SPATA13: variants seen among roughly 807,000 people sequenced by gnomAD.
The protein encoded by SPATA13 is spermatogenesis-associated protein 13.
SPATA13 carries 50 observed loss-of-function variants against 104.0 expected under a neutral mutation model. The ratio of observed to expected loss-of-function variants is 0.48; its 90% CI spans 0.38 to 0.61. The LOEUF (loss-of-function observed/expected upper bound fraction) is 0.61. Among genes scored for constraint, SPATA13 ranks in the 20% least tolerant of loss-of-function variants. The pLI, the probability that SPATA13 is intolerant of heterozygous loss-of-function variation, is 0.00. For synonymous variants in SPATA13, 606 were observed against 667.5 expected (o/e 0.91, Z 1.42); for missense variants, 1,524 against 1,690.6 (o/e 0.90, Z 1.73).
At chr13:24,010,342 G>A (rs781740285) in intron 2 of SPATA13, among the ~76,000 whole-genome samples, 6 of 152,032 alleles carry the variant, frequency 3.9e-5, no homozygotes, top group Admixed American at 1.3e-4. Context: ...TCTTTGTTCC[G>A]CATCTGTGAA....
At chr13:23,989,934 A>G (rs1005814462) in intron 2 of SPATA13, among the ~76,000 whole-genome samples, 2 of 152,196 alleles carry the variant, frequency 1.3e-5, no homozygotes, top group African/African-American at 4.8e-5. Flanking sequence ...CCCACCAGAC[A>G]TTGAATCTGT....
At chr13:24,021,206 G>A (rs958159584) in intron 3 of SPATA13, among the ~76,000 whole-genome samples, 3 of 152,262 alleles carry the variant, frequency 2.0e-5, no homozygotes, top group Non-Finnish European at 4.4e-5. Context: ...AAGGGCTGGA[G>A]CATTTCTGGG....
intron 3 of SPATA13, among the ~76,000 whole-genome samples, chr13:24,097,843 C>T (rs1430245847): frequency 6.6e-6 from 1 of 152,148 alleles, no homozygotes; most frequent in Non-Finnish European, 1.5e-5. Context: ...CAGGCGAGGG[C>T]CCCACACTCA....
At chr13:23,986,879 A>G (rs1308433614) in intron 2 of SPATA13, among the ~76,000 whole-genome samples, 1 of 152,116 alleles carries the variant, frequency 6.6e-6, no homozygotes, top group African/African-American at 2.4e-5. Flanking sequence ...TGGAAACATC[A>G]TGGGATCTCG....
At chr13:24,149,798 T>C (rs893846362) in intron 3 of SPATA13, among the ~76,000 whole-genome samples, 1 of 152,180 alleles carries the variant, frequency 6.6e-6, no homozygotes, top group Non-Finnish European at 1.5e-5. Flanking sequence ...GTCACAGGCC[T>C]TGCATGACAT....
intron 3 of SPATA13, among the ~76,000 whole-genome samples, chr13:24,119,005 A>C (rs527347109): frequency 9.2e-5 from 14 of 151,576 alleles, no homozygotes; most frequent in Non-Finnish European, 8.8e-5. Context: ...TCCTGGGTTC[A>C]AGTGATTCTC....
Position 24,300,458 on chromosome 13 carries a change from G to A in SPATA13, c.3641G>A (p.Gly1214Glu). The change falls in exon 12 of 13, where the codon GGA (glycine) becomes GAA (glutamate). Residue 1214 changes from glycine (G) to glutamate (E), a missense_variant. Coordinates refer to ENST00000382108, the MANE Select transcript of SPATA13 (RefSeq NM_001166271.3). ...GCCATGTTAAATGCTCAAAAGGCAG[G>A]ACATGGAAAGTCAAAAGGTAAGTTA... Reference protein sequence around the residue: ...KLAMLNAQKAGHGKSKGYNRC... With the variant: ...KLAMLNAQKAEHGKSKGYNRC... 6.2e-7 allele frequency: 1 copy of A among 1,614,132 alleles called. No individual in the cohort carries two copies. The highest frequency in any genetic ancestry group is 8.5e-7 in the Non-Finnish European group (1 of 1,179,994).
intron 3 of SPATA13, among the ~76,000 whole-genome samples, chr13:24,058,081 A>G (rs921522687): frequency 4.0e-5 from 6 of 151,804 alleles, no homozygotes; most frequent in Admixed American, 3.9e-4. Flanking sequence ...CTGTGGCCCC[A>G]CACCTGATCC....
At chr13:24,064,080 A>G (rs1416252718) in intron 3 of SPATA13, among the ~76,000 whole-genome samples, 1 of 151,846 alleles carries the variant, frequency 6.6e-6, no homozygotes, top group Non-Finnish European at 1.5e-5. Flanking sequence ...ATGCCTGCCT[A>G]CCCTTCCAGC....
At chr13:24,091,982 CA>C (rs1879925514) in intron 3 of SPATA13, among the ~76,000 whole-genome samples, 1 of 152,106 alleles carries the variant, frequency 6.6e-6, no homozygotes, top group Admixed American at 6.5e-5. Context: ...GGGAGCAGGG[CA>C]GGTTGAAATG....
intron 4 of SPATA13, among the ~76,000 whole-genome samples, chr13:24,274,216 G>T (rs1439072239): frequency 6.6e-6 from 1 of 152,166 alleles, no homozygotes; most frequent in African/African-American, 2.4e-5. Context: ...GCAACAAAAG[G>T]CATATGTCCT....
intron 2 of SPATA13, among the ~76,000 whole-genome samples, chr13:24,243,677 G>A (rs1233271996): frequency 6.6e-6 from 1 of 152,170 alleles, no homozygotes; most frequent in African/African-American, 2.4e-5. Flanking sequence ...GCCTGGCATA[G>A]GTCTGGCACC....
chr13:24,134,022 C>T (rs905853618), intron 3 of SPATA13, among the ~76,000 whole-genome samples: 2 of 152,110 alleles, frequency 1.3e-5, no homozygotes, highest in Admixed American at 6.5e-5. Flanking sequence ...AGAGGTTGTG[C>T]TAAGTGTGGT....
At chr13:23,993,145 C>T (rs965995760) in intron 2 of SPATA13, among the ~76,000 whole-genome samples, 11 of 152,020 alleles carry the variant, frequency 7.2e-5, no homozygotes, top group Non-Finnish European at 8.8e-5. Flanking sequence ...CCTGCTGTGG[C>T]GAAGGTCGTG....
chr13:24,280,064 T>G (rs1875382141), intron 4 of SPATA13, among the ~76,000 whole-genome samples: 1 of 152,200 alleles, frequency 6.6e-6, no homozygotes, highest in East Asian at 1.9e-4. Flanking sequence ...CAGGCTGGAG[T>G]CTGGTGGTAC....
chr13:24,240,485 T>TGA (rs1872779100), intron 2 of SPATA13, among the ~76,000 whole-genome samples: 1 of 151,874 alleles, frequency 6.6e-6, no homozygotes, highest in African/African-American at 2.4e-5. Context: ...GTCTATGATG[T>TGA]GAGGGAGGCA....
At chr13:24,282,137 A>C (rs985682587) in intron 4 of SPATA13, among the ~76,000 whole-genome samples, 16 of 151,280 alleles carry the variant, frequency 1.1e-4, no homozygotes, top group African/African-American at 3.9e-4. Flanking sequence ...GGAGAGGCAT[A>C]AGGGGAGCAG....
chr13:24,249,078 C>G (rs1290526899), intron 2 of SPATA13, among the ~76,000 whole-genome samples: 1 of 152,158 alleles, frequency 6.6e-6, no homozygotes, highest in African/African-American at 2.4e-5. Context: ...GCATGTTGCC[C>G]AGGCTGGTCT....
At position 24,286,724 on chromosome 13, in the gene SPATA13, C is replaced by G. The variant is rs371148808; in HGVS notation, c.2482-41C>G. 3 of 1,592,440 alleles carry G rather than the reference C, an allele frequency of 1.9e-6. No homozygotes were observed. The highest frequency in any genetic ancestry group is 2.6e-6 in the Non-Finnish European group (3 of 1,166,356). On this transcript the variant is annotated intron_variant, in intron 6 of 12. Transcript: ENST00000382108. The surrounding 1 kb of genome is among the most constrained non-coding windows in gnomAD (Gnocchi z 4.9). ...TCCTGCCTCTGCTCCATGCTGCCCT[C>G]CCCTGCCCCAAGTCACCTGTCCCCT...
Sources: allele counts gnomAD v4.1 joint callset (sites outside exome capture counted in the v4.1 genomes callset), GRCh38; gene constraint gnomAD v4.1.1; non-coding constraint Gnocchi (gnomAD v3.1); transcripts MANE v1.5; gene names NCBI Gene and HGNC (gene_info 2026-07-23, HGNC 2026-07-21).